Variants in GSE1 observed in about 807,000 individuals in gnomAD.
GSE1 encodes the protein Gse1 coiled-coil protein, also known as genetic suppressor element 1.
A neutral mutation model predicts 112.6 loss-of-function variants in GSE1; 32 were observed. The observed-to-expected ratio is 0.28, with a 90% CI of 0.21 to 0.38. The LOEUF is 0.38. GSE1 is among the 10% of genes least tolerant of loss of function. The pLI, the probability that GSE1 is intolerant of heterozygous loss-of-function variation, is 1.00. For missense variants in GSE1, 2,348 were observed against 1,699.2 expected, an observed-to-expected ratio of 1.38 and a Z score of -6.71; for synonymous variants, 1,115 against 735.6, an observed-to-expected ratio of 1.52 and a Z score of -8.35.
chr16:85,646,018 C>G (rs992238187), intron 2 of GSE1, among the ~76,000 whole-genome samples: 1 of 147,526 alleles, frequency 6.8e-6, no homozygotes, highest in African/African-American at 2.6e-5. Context: ...CTGCTTCTCC[C>G]ACGCTTTCTA....
rs201812312 is a variant in GSE1, at chr16:85,648,613, C to G, written c.288C>G (p.Pro96=). 1.2e-6 allele frequency: 2 copies of G among 1,606,576 alleles called. No individual in the cohort carries two copies. Among genetic ancestry groups the G allele is most frequent in the African/African-American group, 1.3e-5 (1 of 74,768 alleles). The change falls in exon 3 of 16, where the codon CCC becomes CCG. Residue 96 remains proline (P), a synonymous_variant. Coordinates refer to ENST00000253458, the MANE Select transcript of GSE1 (RefSeq NM_014615.5). Reference sequence around the variant, plus strand: ...CTCCGGCCACCAACCACAGCTCCCCCGCCAGCACACCCAAGCGCGTGCCCA... The same window carrying G: ...CTCCGGCCACCAACCACAGCTCCCCGGCCAGCACACCCAAGCGCGTGCCCA... ...VSSPATNHSS[P]ASTPKRVPMG...
chr16:85,634,610 C>A (rs556662674), intron 2 of GSE1, among the ~76,000 whole-genome samples: 9 of 152,218 alleles, frequency 5.9e-5, no homozygotes, highest in Admixed American at 3.3e-4. Context: ...CACAGCTGAA[C>A]CCACCACTGC....
chr16:85,441,752 C>A (rs1443557299), intron 2 of GSE1, among the ~76,000 whole-genome samples: 1 of 152,208 alleles, frequency 6.6e-6, no homozygotes, highest in Non-Finnish European at 1.5e-5. Context: ...AAGGAAGGAT[C>A]AGAGAAAGAC....
intron 2 of GSE1, among the ~76,000 whole-genome samples, chr16:85,478,125 T>C (rs868022771): frequency 2.0e-5 from 3 of 152,212 alleles, no homozygotes; most frequent in Non-Finnish European, 2.9e-5. Context: ...CCTCCCACAC[T>C]GTGTGACCTT....
intron 15 of GSE1, 128 bp downstream of exon 15, chr16:85,671,226 G>T (rs1195325244): frequency 2.7e-5 from 15 of 548,734 alleles, no homozygotes; most frequent in Non-Finnish European, 4.9e-5. Context: ...GGATCACGAG[G>T]TCAGGAGATC....
intron 2 of GSE1, among the ~76,000 whole-genome samples, chr16:85,645,143 A>T (rs966953244): frequency 6.6e-6 from 1 of 151,218 alleles, no homozygotes; most frequent in East Asian, 1.9e-4. Context: ...GGCCCGGTCG[A>T]CTTGGGGTGG....
chr16:85,521,689 T>A (rs547693384), intron 2 of GSE1, among the ~76,000 whole-genome samples: 12 of 152,362 alleles, frequency 7.9e-5, no homozygotes, highest in African/African-American at 2.9e-4. Flanking sequence ...GCTAAGGGGT[T>A]TCCATCTCCC....
chr16:85,230,312 G>A (rs1461209354), intron 1 of GSE1, among the ~76,000 whole-genome samples: 1 of 152,198 alleles, frequency 6.6e-6, no homozygotes, highest in Non-Finnish European at 1.5e-5. Flanking sequence ...TCTTTTGTGT[G>A]TCCTCTGGCT....
chr16:85,313,276 C>T lies in GSE1; in HGVS notation c.2284-44187C>T, dbSNP rs368732319. On this transcript the variant is annotated intron_variant, in intron 1 of 2. Coordinates refer to the GSE1 transcript ENST00000637419. ...TCCTGGTGAGACCTGCCCTGCTTCT[C>T]CTTGGGCAGACCCCCTTGTCCTGCG... Among the ~76,000 whole-genome samples the T allele has an allele frequency of 1.3e-3, 205 of 152,216 alleles. 1 individual carries two copies. The highest frequency in any genetic ancestry group is 4.7e-3 in the African/African-American group (194 of 41,530).
intron 14 of GSE1, among the ~76,000 whole-genome samples, chr16:85,668,867 A>G (rs954668231): frequency 3.9e-5 from 6 of 152,200 alleles, no homozygotes; most frequent in Non-Finnish European, 8.8e-5. Context: ...GGTGGGTGCC[A>G]GTCATGTTTT....
At chr16:85,561,233 G>A (rs555584900) in intron 1 of GSE1, among the ~76,000 whole-genome samples, 45 of 152,230 alleles carry the variant, frequency 3.0e-4, no homozygotes, top group African/African-American at 9.6e-4. Flanking sequence ...CTCTGGAGGT[G>A]AGGCTACTCT....
chr16:85,355,870 A>G (rs546564736), intron 1 of GSE1, among the ~76,000 whole-genome samples: 16 of 152,140 alleles, frequency 1.1e-4, no homozygotes, highest in African/African-American at 3.6e-4. Context: ...AAGAAACAAA[A>G]AACAAAATGA....
At chr16:85,601,358 G>A (rs1282328536) in intron 1 of GSE1, among the ~76,000 whole-genome samples, 4 of 152,096 alleles carry the variant, frequency 2.6e-5, no homozygotes, top group Non-Finnish European at 5.9e-5. Flanking sequence ...CGGCAGTCAG[G>A]GAACGTGGGA....
At position 85,668,245 on chromosome 16, in the gene GSE1, A is replaced by G. The variant is rs748300979; in HGVS notation, c.3236A>G (p.His1079Arg). 5 of 1,611,106 alleles carry G rather than the reference A, an allele frequency of 3.1e-6. No homozygotes were observed. The highest frequency in any genetic ancestry group is 4.2e-6 in the Non-Finnish European group (5 of 1,177,320). Residue 1079 changes from histidine to arginine, a missense_variant, in exon 14 of 16, where the codon CAC becomes CGC. By Grantham distance (29) the His-to-Arg change is conservative (BLOSUM62 0). Coordinates refer to ENST00000253458, the MANE Select transcript of GSE1 (RefSeq NM_014615.5). ...QSSSRAPPPQHNGQQEPPTAR... is the reference protein window; with the variant it reads ...QSSSRAPPPQRNGQQEPPTAR... ...TCCAGCCGCGCCCCTCCACCCCAGC[A>G]CAATGGGCAGCAGGAGCCCCCCACT...
At chr16:85,336,619 C>T (rs1422638210) in intron 1 of GSE1, among the ~76,000 whole-genome samples, 40 of 143,192 alleles carry the variant, frequency 2.8e-4, no homozygotes, top group Non-Finnish European at 4.1e-4. Flanking sequence ...TTTTTTTTTT[C>T]GAGTTGAAGT....
In GSE1 at chr16:85,673,532, A is replaced by G. The variant is rs1182928932; in HGVS notation, c.*993A>G. Reference sequence around the variant, plus strand: ...TGTTTGTACTGCTGCTGGTCAGGACATTAAAATATTGAAGTGTTTTTAAAA... The same window carrying G: ...TGTTTGTACTGCTGCTGGTCAGGACGTTAAAATATTGAAGTGTTTTTAAAA... On this transcript the variant is annotated 3_prime_UTR_variant, in exon 16 of 16. Coordinates refer to ENST00000253458, the MANE Select transcript of GSE1 (RefSeq NM_014615.5). 2 of 151,520 alleles carry G rather than the reference A, an allele frequency of 1.3e-5. No individual in the cohort carries two copies. Among genetic ancestry groups the G allele is most frequent in the Non-Finnish European group, 2.9e-5 (2 of 67,988 alleles). 9.4% of individuals were successfully genotyped at this position (151,520 alleles called of 1,614,324 possible).
At chr16:85,634,892 T>TG (rs2049856824) in intron 2 of GSE1, among the ~76,000 whole-genome samples, 1 of 152,132 alleles carries the variant, frequency 6.6e-6, no homozygotes, top group South Asian at 2.1e-4. Flanking sequence ...CTGGAGCTGC[T>TG]GGGGGCCTTG....
chr16:85,295,399 C>A lies in GSE1; in HGVS notation c.2284-62064C>A, dbSNP rs1597320363. On this transcript the variant is annotated intron_variant, in intron 1 of 2. Transcript: ENST00000637419. Reference sequence around the variant, plus strand: ...CGTGCTGCAGCGCGGGTCAGCACATCAGCCCTTTTATGGCTGAGTGATTAT... The same window carrying A: ...CGTGCTGCAGCGCGGGTCAGCACATAAGCCCTTTTATGGCTGAGTGATTAT... Among the ~76,000 whole-genome samples, 3 of 152,386 alleles carry A rather than the reference C, an allele frequency of 2.0e-5. No individual in the cohort carries two copies. In the South Asian group the frequency reaches 6.2e-4, roughly 32 times the overall value.
At chr16:85,426,199 C>CTGGATGGATGGATGGCTGGA (rs1555510080) in intron 2 of GSE1, among the ~76,000 whole-genome samples, 6 of 138,104 alleles carry the variant, frequency 4.3e-5, no homozygotes, top group Non-Finnish European at 7.7e-5. Flanking sequence ...AGATGGATGG[C>CTGGATGGATGGATGGCTGGA]TGGATGGATG....
Sources: allele counts gnomAD v4.1 joint callset (sites outside exome capture counted in the v4.1 genomes callset), GRCh38; gene constraint gnomAD v4.1.1; transcripts MANE v1.5; gene names NCBI Gene and HGNC (gene_info 2026-07-23, HGNC 2026-07-21).